C2orf92: variants seen among roughly 807,000 people sequenced by gnomAD.
C2orf92 encodes the protein chromosome 2 open reading frame 92, also known as uncharacterized protein C2orf92.
chr2:97,672,746 G>A (rs1022662729), intron 1 of C2orf92, among the ~76,000 whole-genome samples: 42 of 152,038 alleles, frequency 2.8e-4, no homozygotes, highest in African/African-American at 9.9e-4. Flanking sequence ...AGGTCAGCAT[G>A]GTCATCAAGG....
chr2:97,695,399 A>G (rs1033097069), intron 5 of C2orf92, among the ~76,000 whole-genome samples: 2 of 152,172 alleles, frequency 1.3e-5, no homozygotes, highest in Non-Finnish European at 2.9e-5. Context: ...TCCTAGTACC[A>G]TTTGTTAACC....
chr2:97,667,526 G>A (rs183719875), upstream of C2orf92, among the ~76,000 whole-genome samples: 882 of 147,836 alleles, frequency 6.0e-3, 34 homozygotes, highest in East Asian at 0.096. Flanking sequence ...TCCGCCTCCC[G>A]GGTTCATGCC....
chr2:97,682,535 T>C (rs1299502727), intron 3 of C2orf92, among the ~76,000 whole-genome samples: 2 of 152,136 alleles, frequency 1.3e-5, no homozygotes, highest in Non-Finnish European at 2.9e-5. Context: ...CAAATGTCTC[T>C]TGTAAATATA....
At chr2:97,672,784 T>C (rs867267118) in intron 1 of C2orf92, among the ~76,000 whole-genome samples, 5 of 152,040 alleles carry the variant, frequency 3.3e-5, no homozygotes, top group Non-Finnish European at 7.4e-5. Context: ...CTCCTCATTG[T>C]CCTGGTGACC....
At chr2:97,674,946 C>T (rs537828389) in intron 2 of C2orf92, among the ~76,000 whole-genome samples, 6 of 152,244 alleles carry the variant, frequency 3.9e-5, no homozygotes, top group African/African-American at 1.4e-4. Flanking sequence ...CCCAGGAGTG[C>T]CCAAGTCACC....
chr2:97,667,502 G>A (rs1313791738), upstream of C2orf92, among the ~76,000 whole-genome samples: 2 of 147,760 alleles, frequency 1.4e-5, no homozygotes, highest in African/African-American at 2.5e-5. Context: ...GTGCGGTCTC[G>A]GCTCACTGCA....
chr2:97,678,206 A>G (rs763407824), intron 3 of C2orf92, among the ~76,000 whole-genome samples: 1 of 151,894 alleles, frequency 6.6e-6, no homozygotes, highest in Non-Finnish European at 1.5e-5. Flanking sequence ...CCTCAAAAAA[A>G]TAAAAAAAAA....
upstream of C2orf92, chr2:97,663,965 G>C (rs1410059113): frequency 1.1e-6 from 1 of 883,938 alleles, no homozygotes; most frequent in South Asian, 4.5e-5. Context: ...GGGAGGACCG[G>C]GACGGCGGCG....
chr2:97,702,726 G>C lies in C2orf92; in HGVS notation c.723G>C (p.Trp241Cys), dbSNP rs914693196. The C allele has an allele frequency of 1.8e-5, 7 of 398,120 alleles. No individual in the cohort carries two copies. The highest frequency in any genetic ancestry group is 1.5e-4 in the African/African-American group (7 of 47,924). The allele number at this position is 398,120 out of a possible 1,614,324, so 24.7% of individuals were successfully genotyped here. The change falls in exon 8 of 8, where the codon TGG (tryptophan) becomes TGC (cysteine). Residue 241 changes from tryptophan to cysteine, a missense_variant. Trp to Cys is a radical substitution (Grantham distance 215). Transcript: ENST00000627399. ...NIFIMDGKTW[W>C]HNSEEKNFTK... The stretch of plus-strand genomic sequence containing the variant: ...TTATAATGGATGGAAAGACATGGTG[G>C]CACAATTCTGAAGAAAAAAATTTCA...
chr2:97,665,694 T>A (rs1023148349), upstream of C2orf92: 47 of 78,632 alleles, frequency 6.0e-4, no homozygotes, highest in South Asian at 1.7e-3. Flanking sequence ...AAAGCATGAC[T>A]CTCTCTCTCT....
At chr2:97,675,638 GA>G (rs1250536638) in intron 2 of C2orf92, 1 of 391,832 alleles carries the variant, frequency 2.6e-6, no homozygotes, top group African/African-American at 2.1e-5. Context: ...CAGACTATGT[GA>G]AAATGAGCTT....
chr2:97,692,640 C>A (rs1165643464), intron 5 of C2orf92, among the ~76,000 whole-genome samples: 1 of 152,084 alleles, frequency 6.6e-6, no homozygotes, highest in Non-Finnish European at 1.5e-5. Flanking sequence ...CAACTCCTGA[C>A]CTCAGGTGAT....
chr2:97,683,130 G>C lies in C2orf92; in HGVS notation c.233-5765G>C, dbSNP rs546959615. Among the ~76,000 whole-genome samples the C allele has an allele frequency of 4.1e-3, 554 of 136,554 alleles. 15 individuals are homozygous for C. Among genetic ancestry groups the C allele is most frequent in the Non-Finnish European group, 6.4e-4 (40 of 62,708 alleles). The allele number at this position is 136,554 out of a possible 152,430, so 89.6% of individuals were successfully genotyped here. On this transcript the variant is annotated intron_variant, in intron 3 of 7. Coordinates refer to ENST00000627399, the MANE Select transcript of C2orf92 (RefSeq NM_001351368.2). ...CACACACACAAACATATTAAAACCA[G>C]TAAATGCATTTAGCAAAGTTGTGGG...
chr2:97,684,930 A>AT (rs1187630454), intron 3 of C2orf92, among the ~76,000 whole-genome samples: 24 of 107,158 alleles, frequency 2.2e-4, no homozygotes, highest in Admixed American at 3.4e-4. Flanking sequence ...TTTATTTTTT[A>AT]TTTTTATTTT....
intron 2 of C2orf92, among the ~76,000 whole-genome samples, chr2:97,675,081 G>T (rs987325493): frequency 1.3e-4 from 20 of 152,184 alleles, no homozygotes; most frequent in African/African-American, 4.6e-4. Flanking sequence ...TGATGCTCCA[G>T]TGCCAATGCT....
chr2:97,687,573 A>G (rs1038575090), intron 3 of C2orf92, among the ~76,000 whole-genome samples: 12 of 151,844 alleles, frequency 7.9e-5, no homozygotes, highest in African/African-American at 2.7e-4. Context: ...GCTGTGCATC[A>G]GGAGTGAAGG....
intron 3 of C2orf92, among the ~76,000 whole-genome samples, chr2:97,686,275 G>A (rs1373977794): frequency 2.0e-5 from 3 of 152,098 alleles, no homozygotes; most frequent in African/African-American, 7.2e-5. Context: ...TCTTAATGAG[G>A]GCACAATTTC....
chr2:97,686,715 G>C (rs1024072389), intron 3 of C2orf92, among the ~76,000 whole-genome samples: 3 of 151,966 alleles, frequency 2.0e-5, no homozygotes, highest in African/African-American at 7.2e-5. Flanking sequence ...ACCGTGCCTG[G>C]CCCTGTTTCA....
chr2:97,695,250 T>C (rs1676272181), intron 5 of C2orf92, among the ~76,000 whole-genome samples: 1 of 152,216 alleles, frequency 6.6e-6, no homozygotes, highest in Admixed American at 6.5e-5. Flanking sequence ...TGTCATGAAG[T>C]TTCTGCTCTA....
Sources: allele counts gnomAD v4.1 joint callset (sites outside exome capture counted in the v4.1 genomes callset), GRCh38; gene constraint gnomAD v4.1.1; transcripts MANE v1.5; gene names NCBI Gene and HGNC (gene_info 2026-07-23, HGNC 2026-07-21).